SLC9A6: variants seen among roughly 807,000 people sequenced by gnomAD.
The protein encoded by SLC9A6 is sodium/hydrogen exchanger 6.
A neutral mutation model predicts 45.3 loss-of-function variants in SLC9A6; 6 were observed. That is an observed-to-expected ratio of 0.13 (90% CI 0.07 to 0.26). The LOEUF is 0.26. Among genes scored for constraint, SLC9A6 ranks in the 10% least tolerant of loss-of-function variants. SLC9A6 has a pLI of 1.00. For synonymous variants in SLC9A6, 191 were observed against 187.7 expected (o/e 1.02, Z -0.14); for missense variants, 278 against 503.7 (o/e 0.55, Z 4.29).
intron 5 of SLC9A6, 48 bp from the exon 6 acceptor site, chrX:135,998,808 T>G (rs1556616965): frequency 2.1e-6 from 2 of 935,400 alleles, no homozygotes; most frequent in Non-Finnish European, 3.1e-6. Flanking sequence ...CCTAATTTTT[T>G]TAACAGTTGA....
At position 135,998,551 on chromosome X, in the gene SLC9A6, G is replaced by A. The variant is rs782117973; in HGVS notation, c.517G>A (p.Val173Ile). The A allele has an allele frequency of 1.6e-5, 19 of 1,158,501 alleles. No individual in the cohort carries two copies. The highest frequency in any genetic ancestry group is 7.7e-5 in the South Asian group (4 of 51,821). The change falls in exon 5 of 18, where the codon GTT becomes ATT. Residue 173 changes from valine to isoleucine, a missense_variant. This residue lies in a region of SLC9A6 where 118 missense variants were observed against 209.9 expected (regional missense o/e 0.56). Transcript: ENST00000630721. Reference protein sequence around the residue: ...AFLGTAISCFVIGSIMYGCVT... With the variant: ...AFLGTAISCFIIGSIMYGCVT... ...TCTTGGAACAGCAATTTCTTGTTTC[G>A]TTATTGGGTAAGTATTTTAAGCTTA...
At chrX:135,985,990 C>T (rs1433149424) in intron 2 of SLC9A6, among the ~76,000 whole-genome samples, 163 bp downstream of exon 2, 1 of 109,685 alleles carries the variant, frequency 9.1e-6, no homozygotes, top group Non-Finnish European at 1.9e-5. Context: ...CTCTGCCTCA[C>T]CCCCTTTCCT....
intron 1 of SLC9A6, among the ~76,000 whole-genome samples, chrX:135,979,339 C>A (rs1438011505): frequency 1.8e-5 from 2 of 111,482 alleles, no homozygotes. Context: ...GCTCCCACAG[C>A]GTCAATATTA....
chrX:135,995,328 A>C (rs782126295), intron 3 of SLC9A6, among the ~76,000 whole-genome samples: 1 of 108,525 alleles, frequency 9.2e-6, no homozygotes, highest in Non-Finnish European at 1.9e-5. Context: ...TTCTTTCTTT[A>C]TTTTATTTTT....
intron 16 of SLC9A6, among the ~76,000 whole-genome samples, chrX:136,034,090 A>G (rs868978125): frequency 9.1e-6 from 1 of 109,979 alleles, no homozygotes; most frequent in African/African-American, 3.3e-5. Flanking sequence ...TTGATATTCT[A>G]TAACCTCTTT....
Position 135,977,025 on chromosome X carries a change from T to C in SLC9A6, c.-57+2242T>C, listed in dbSNP as rs782337690. ...AAGCCAAGGTATTCATAGTCACAGT[T>C]ACCAAGGACTGTATCATTCAAATAA... On this transcript the variant is annotated intron_variant, in intron 1 of 16. Transcript: ENST00000636092. Among the ~76,000 whole-genome samples the C allele has an allele frequency of 2.7e-5, 3 of 112,233 alleles. No individual in the cohort carries two copies. The East Asian group carries it at 8.4e-4, about 31-fold the overall frequency.
At chrX:136,004,229 C>T (rs1556617690) in intron 7 of SLC9A6, among the ~76,000 whole-genome samples, 3 of 108,295 alleles carry the variant, frequency 2.8e-5, no homozygotes, top group African/African-American at 6.7e-5. Context: ...GCTGGGACTA[C>T]GGGCATGTGC....
In SLC9A6 at chrX:135,985,491, G is replaced by GC. The variant is rs2089316859; in HGVS notation, c.-57+15dup. 2.8e-6 allele frequency: 3 copies of GC among 1,077,102 alleles called. No homozygotes were observed. Among genetic ancestry groups the GC allele is most frequent in the African/African-American group, 3.9e-5 (2 of 51,874 alleles). The allele number at this position is 1,077,102 out of a possible 1,213,427, so 88.8% of individuals were successfully genotyped here. On this transcript the variant is annotated intron_variant, in intron 1 of 17. Transcript: ENST00000630721. ...GCCGCCGGTGAGGTAGGGGCGGGAGGCGGGGGGAGACATGGCTCGGCGCGG... is the reference window on the plus strand; with the variant it reads ...GCCGCCGGTGAGGTAGGGGCGGGAGGCCGGGGGGAGACATGGCTCGGCGCGG...
chrX:136,005,637 C>T (rs1476047634), intron 7 of SLC9A6, among the ~76,000 whole-genome samples: 1 of 102,942 alleles, frequency 9.7e-6, no homozygotes, highest in African/African-American at 3.6e-5. Flanking sequence ...CCTGAGATCT[C>T]GGCACTGCCC....
At chrX:136,019,498 C>T (rs2071083371) in intron 11 of SLC9A6, among the ~76,000 whole-genome samples, 1 of 112,326 alleles carries the variant, frequency 8.9e-6, no homozygotes, top group African/African-American at 3.2e-5. Flanking sequence ...GTGCCAACTA[C>T]CAAGGAAGAA....
Position 135,998,838 on chromosome X carries a change from A to T in SLC9A6, c.525-18A>T. On this transcript the variant is annotated intron_variant, in intron 5 of 17. Coordinates refer to ENST00000630721, the MANE Select transcript of SLC9A6 (RefSeq NM_001379110.1). ...AGTTGATATTTTTTTCTAAAGTAGG[A>T]CTGTGTTTATTGAACAGGTCAATAA... 9.2e-7 allele frequency: 1 copy of T among 1,085,810 alleles called. No individual in the cohort carries two copies. The highest frequency in any genetic ancestry group is 1.3e-6 in the Non-Finnish European group (1 of 780,602). The allele number at this position is 1,085,810 out of a possible 1,213,427, so 89.5% of individuals were successfully genotyped here.
intron 12 of SLC9A6, 94 bp downstream of exon 12, chrX:136,022,791 A>G: frequency 2.2e-6 from 1 of 454,382 alleles, no homozygotes; most frequent in Non-Finnish European, 4.0e-6. Flanking sequence ...TGCTGGTCAT[A>G]TAATACTCCT....
At chrX:136,017,339 G>A (rs1459547276) in intron 11 of SLC9A6, among the ~76,000 whole-genome samples, 1 of 109,473 alleles carries the variant, frequency 9.1e-6, no homozygotes, top group Admixed American at 9.8e-5. Context: ...GATCCCTTGA[G>A]CCTAGGAGTT....
At chrX:136,028,690 G>A (rs2071269777) in intron 13 of SLC9A6, among the ~76,000 whole-genome samples, 196 bp from the exon 14 acceptor site, 1 of 112,063 alleles carries the variant, frequency 8.9e-6, no homozygotes, top group Non-Finnish European at 1.9e-5. Flanking sequence ...TTATGAATCT[G>A]GTCATAGCAA....
intron 13 of SLC9A6, among the ~76,000 whole-genome samples, chrX:136,028,077 C>T (rs1556620731): frequency 1.8e-5 from 2 of 112,443 alleles, no homozygotes; most frequent in Non-Finnish European, 3.8e-5. Context: ...TCCCTCGGAA[C>T]CACTCTTATG....
intron 17 of SLC9A6, among the ~76,000 whole-genome samples, chrX:136,041,717 A>G (rs1354154353): frequency 1.8e-5 from 2 of 112,367 alleles, no homozygotes; most frequent in Admixed American, 9.4e-5. Context: ...GCGAAACACA[A>G]CAGGCTCCCT....
intron 1 of SLC9A6, among the ~76,000 whole-genome samples, chrX:135,978,053 A>G (rs782369464): frequency 8.9e-6 from 1 of 112,572 alleles, no homozygotes; most frequent in South Asian, 3.7e-4. Context: ...CTAGGTTGTT[A>G]TCAGCATTGA....
In SLC9A6 at chrX:136,002,160, A is replaced by G. The variant is rs1556617443; in HGVS notation, c.690A>G (p.Ala230=). 1.7e-6 allele frequency: 2 copies of G among 1,208,738 alleles called. No homozygotes were observed. Among genetic ancestry groups the G allele is most frequent in the Non-Finnish European group, 1.1e-6 (1 of 892,895 alleles). ...TTCAAGTTGATGTTGAACTCTATGC[A>G]CTTCTTTTTGGTGAAAGTGTCCTCA... ...HELQVDVELY[A]LLFGESVLND... is the part of the protein sequence containing the mutation. Residue 230 remains alanine, a synonymous_variant, in exon 7 of 18, where the codon GCA becomes GCG. Transcript: ENST00000630721.
rs1240373500 is a variant in SLC9A6 at position 136,044,906 on chromosome X, T to G, written c.*182T>G. On this transcript the variant is annotated 3_prime_UTR_variant, in exon 18 of 18. Coordinates refer to ENST00000630721, the MANE Select transcript of SLC9A6 (RefSeq NM_001379110.1). ...AGATTGTGAACAAACTATATTCCTT[T>G]AAGTTTTCCTGGTTGCACTCTGTAG... The G allele has an allele frequency of 2.2e-6, 1 of 450,871 alleles. No homozygotes were observed. The highest frequency in any genetic ancestry group is 2.4e-5 in the African/African-American group (1 of 40,826). 37.2% of individuals were successfully genotyped at this position (450,871 alleles called of 1,213,427 possible). A position where few individuals can be genotyped will look rare whatever the true frequency, so the allele number is the denominator to read the frequency against.
Sources: gnomAD v4.1 joint callset for allele counts (sites outside exome capture counted in the v4.1 genomes callset) on GRCh38, gnomAD v4.1.1 for gene constraint, gnomAD v4.1.1 regional missense constraint, MANE v1.5 for transcripts, NCBI Gene and HGNC (gene_info 2026-07-23, HGNC 2026-07-21) for gene names.